ULK4: variants seen among roughly 807,000 people sequenced by gnomAD.
ULK4 encodes the protein unc-51 like kinase 4, also known as inactive serine/threonine-protein kinase ULK4.
ULK4 carries 133 observed loss-of-function variants against 160.6 expected under a neutral mutation model. The ratio of observed to expected loss-of-function variants is 0.83; its 90% CI spans 0.72 to 0.96. The LOEUF is 0.96. ULK4 is among the 40% of genes least tolerant of loss of function. ULK4 has a pLI of 0.00. For synonymous variants in ULK4, 534 were observed against 539.8 expected (o/e 0.99, Z 0.15); for missense variants, 1,580 against 1,499.5 (o/e 1.05, Z -0.89).
At chr3:41,477,121 T>C (rs1036894728) in intron 32 of ULK4, among the ~76,000 whole-genome samples, 5 of 152,192 alleles carry the variant, frequency 3.3e-5, no homozygotes, top group Admixed American at 3.3e-4. Flanking sequence ...CATTCATTAA[T>C]TCAAAGAACC....
intron 32 of ULK4, among the ~76,000 whole-genome samples, chr3:41,503,350 C>G (rs1345246195): frequency 1.3e-5 from 2 of 152,194 alleles, no homozygotes; most frequent in Non-Finnish European, 2.9e-5. Flanking sequence ...CTGGTGACCC[C>G]AAGGGCTGTC....
chr3:41,495,273 G>A (rs1028726520), intron 32 of ULK4, among the ~76,000 whole-genome samples: 19 of 151,914 alleles, frequency 1.3e-4, no homozygotes, highest in African/African-American at 3.6e-4. Flanking sequence ...AAATAATGCC[G>A]CATATCTACA....
intron 35 of ULK4, among the ~76,000 whole-genome samples, chr3:41,271,902 TTTC>T (rs1405696487): frequency 6.6e-6 from 1 of 152,096 alleles, no homozygotes; most frequent in Non-Finnish European, 1.5e-5. Flanking sequence ...CAGATCCAGA[TTTC>T]TTATTTTTTA....
At chr3:41,415,728 G>C (rs2082510559) in intron 34 of ULK4, among the ~76,000 whole-genome samples, 2 of 152,064 alleles carry the variant, frequency 1.3e-5, no homozygotes, top group African/African-American at 4.8e-5. Flanking sequence ...AATGCAGTAA[G>C]ACCTCTTCCT....
At chr3:41,850,709 T>C (rs1168960557) in intron 17 of ULK4, among the ~76,000 whole-genome samples, 8 of 152,156 alleles carry the variant, frequency 5.3e-5, no homozygotes, top group African/African-American at 9.7e-5. Context: ...TGGATATTAG[T>C]CCTTTGTCAG....
At chr3:41,554,638 T>C (rs1157219411) in intron 32 of ULK4, among the ~76,000 whole-genome samples, 2 of 152,054 alleles carry the variant, frequency 1.3e-5, no homozygotes, top group Admixed American at 6.6e-5. Flanking sequence ...AGTTCGGTGG[T>C]TGATATCACC....
intron 35 of ULK4, among the ~76,000 whole-genome samples, chr3:41,304,499 G>A (rs757534145): frequency 6.6e-6 from 1 of 152,156 alleles, no homozygotes; most frequent in Non-Finnish European, 1.5e-5. Flanking sequence ...ATTGATAAGT[G>A]TAACACTTAG....
rs532629457 is a variant in ULK4, at chr3:41,720,269, A to G, written c.2322-2408T>C. 5.3e-5 allele frequency among the ~76,000 whole-genome samples: 8 copies of G among 152,356 alleles called. No individual in the cohort carries two copies. In the South Asian group the frequency reaches 1.7e-3, roughly 32 times the overall value. ...TCTAATTAAGTGTTCAATACATATTAGCTGAATAAGTAAATATTGCTGTTG... is the reference window on the plus strand; with the variant it reads ...TCTAATTAAGTGTTCAATACATATTGGCTGAATAAGTAAATATTGCTGTTG... On this transcript the variant is annotated intron_variant, in intron 22 of 36. Coordinates refer to ENST00000301831, the MANE Select transcript of ULK4 (RefSeq NM_017886.4).
intron 32 of ULK4, among the ~76,000 whole-genome samples, chr3:41,519,058 A>G (rs1338876852): frequency 2.0e-5 from 3 of 152,184 alleles, no homozygotes; most frequent in African/African-American, 7.2e-5. Context: ...CCCTGCTGGA[A>G]TCGCTCCTCT....
intron 17 of ULK4, among the ~76,000 whole-genome samples, chr3:41,844,967 CTTT>C (rs201354327): frequency 0.31 from 45,123 of 143,428 alleles, 9,969 homozygotes; most frequent in African/African-American, 0.64. Context: ...ACCCAGATAT[CTTT>C]TTTTTTTTTT....
In ULK4 at chr3:41,938,144, C is replaced by G. The variant is rs1699838449; in HGVS notation, c.192G>C (p.Trp64Cys). Residue 64 changes from tryptophan to cysteine, a missense_variant, in exon 3 of 37, where the codon TGG becomes TGC. Trp to Cys is a radical substitution (Grantham distance 215, BLOSUM62 -2). Transcript: ENST00000301831. ...GCCAGAGGTGGTTGCTTGTTTCATA[C>G]CATTCATGAAAAGTTACAATATTCT... ...KHKNIVTFHE[W>C]YETSNHLWLV... 6.2e-7 allele frequency: 1 copy of G among 1,613,266 alleles called. No individual in the cohort carries two copies. The highest frequency in any genetic ancestry group is 8.5e-7 in the Non-Finnish European group (1 of 1,179,604).
rs200777443 is a variant in ULK4, at chr3:41,721,357, TATATA to T, written c.2322-3501_2322-3497del. Among the ~76,000 whole-genome samples, 264 of 69,610 alleles carry T rather than the reference TATATA, an allele frequency of 3.8e-3. 3 individuals carry two copies. The highest frequency in any genetic ancestry group is 0.018 in the African/African-American group (230 of 13,066). 45.7% of individuals were successfully genotyped at this position (69,610 alleles called of 152,430 possible). A position where few individuals can be genotyped will look rare whatever the true frequency, so the allele number is the denominator to read the frequency against. The stretch of plus-strand genomic sequence containing the variant: ...AAATATATATATATATATATATATA[TATATA>T]TTTTTTTTTTTTTTTTTTTGAAACG... On this transcript the variant is annotated intron_variant, in intron 22 of 36. Transcript: ENST00000301831.
At chr3:41,597,450 A>G (rs780653144) in intron 31 of ULK4, among the ~76,000 whole-genome samples, 3 of 152,198 alleles carry the variant, frequency 2.0e-5, no homozygotes, top group Non-Finnish European at 2.9e-5. Flanking sequence ...GCTCTGTAAC[A>G]TAATTCCTCT....
intron 34 of ULK4, among the ~76,000 whole-genome samples, chr3:41,419,454 GGAC>G (rs1478670091): frequency 6.6e-6 from 1 of 152,126 alleles, no homozygotes; most frequent in Non-Finnish European, 1.5e-5. Context: ...GGAGTTCAGG[GGAC>G]AGGTCATGGC....
Position 41,566,115 on chromosome 3 carries a change from T to G in ULK4, c.3136A>C (p.Ile1046Leu). Residue 1046 changes from isoleucine (I) to leucine (L), a missense_variant, in exon 32 of 37, where the codon ATT (isoleucine) becomes CTT (leucine). By Grantham distance (5) the Ile-to-Leu change is conservative. Coordinates refer to ENST00000301831, the MANE Select transcript of ULK4 (RefSeq NM_017886.4). ...FEVTLEHQES[I>L]LGNTMQSVIA... The stretch of plus-strand genomic sequence containing the variant: ...ACACTTTGCATGGTATTACCCAGAA[T>G]GCTCTCCTGATGTTCCTGCAATAGA... 6.2e-7 allele frequency: 1 copy of G among 1,612,618 alleles called. No homozygotes were observed. The highest frequency in any genetic ancestry group is 8.5e-7 in the Non-Finnish European group (1 of 1,179,418).
At chr3:41,584,045 T>A (rs977415724) in intron 31 of ULK4, among the ~76,000 whole-genome samples, 3 of 152,148 alleles carry the variant, frequency 2.0e-5, no homozygotes, top group African/African-American at 7.2e-5. Flanking sequence ...ATTCACTAAT[T>A]AAGTGGTTCT....
chr3:41,831,451 T>TTG (rs1267928808), intron 18 of ULK4, among the ~76,000 whole-genome samples: 1 of 148,368 alleles, frequency 6.7e-6, no homozygotes, highest in Non-Finnish European at 1.5e-5. Context: ...TATCATCACT[T>TTG]ACCAAAGTAT....
In ULK4 at chr3:41,393,347, C is replaced by G. The variant is rs551662550; in HGVS notation, c.3678+4732G>C. Among the ~76,000 whole-genome samples, 35 of 152,262 alleles carry G rather than the reference C, an allele frequency of 2.3e-4. No homozygotes were observed. In the South Asian group the frequency reaches 6.6e-3, roughly 29 times the overall value. ...TAATTCCATCAACAATGTCTAAACT[C>G]TAAATGCTCCTAAAGCTCATGTTTA... On this transcript the variant is annotated intron_variant, in intron 35 of 36. Coordinates refer to ENST00000301831, the MANE Select transcript of ULK4 (RefSeq NM_017886.4).
chr3:41,705,688 G>A (rs569965488), intron 25 of ULK4, among the ~76,000 whole-genome samples: 2 of 152,110 alleles, frequency 1.3e-5, no homozygotes, highest in Admixed American at 6.5e-5. Context: ...TAGAGATGGG[G>A]TTTCTCATGT....
Sources: gnomAD v4.1 joint callset for allele counts (sites outside exome capture counted in the v4.1 genomes callset) on GRCh38, gnomAD v4.1.1 for gene constraint, MANE v1.5 for transcripts, NCBI Gene and HGNC (gene_info 2026-07-23, HGNC 2026-07-21) for gene names.